The following TTC28 variants were observed in gnomAD, a reference collection of about 807,000 sequenced individuals.
The protein encoded by TTC28 is tetratricopeptide repeat protein 28.
A neutral mutation model predicts 198.0 loss-of-function variants in TTC28; 61 were observed. The ratio of observed to expected loss-of-function variants is 0.31; its 90% CI spans 0.25 to 0.38. TTC28 has a LOEUF of 0.38. TTC28 is among the 10% of genes least tolerant of loss of function. The pLI is 1.00. For synonymous variants in TTC28, 1,171 were observed against 1,297.8 expected, an observed-to-expected ratio of 0.90 and a Z score of 2.10; for missense variants, 2,678 against 3,164.0, an observed-to-expected ratio of 0.85 and a Z score of 3.69.
intron 2 of TTC28, among the ~76,000 whole-genome samples, chr22:28,355,322 G>C (rs1378328930): frequency 1.3e-5 from 2 of 152,064 alleles, no homozygotes; most frequent in African/African-American, 4.8e-5. Context: ...AGTTATCACG[G>C]AAAGCTTTAT....
chr22:28,498,894 T>C (rs1488009094), intron 2 of TTC28, among the ~76,000 whole-genome samples: 2 of 152,208 alleles, frequency 1.3e-5, no homozygotes, highest in African/African-American at 4.8e-5. Flanking sequence ...TAAATTTATT[T>C]ACTGAGTGCA....
rs116238286 is a variant in TTC28, at chr22:28,033,404, C to G, written c.3933-3038G>C. ...TCTGAGTGACTTTCTAGAGATGGCA[C>G]ATCTGGTCACCATAGGCCCTGATTC... On this transcript the variant is annotated intron_variant, in intron 12 of 22. Transcript: ENST00000397906. Among the ~76,000 whole-genome samples, 226 of 152,336 alleles carry G rather than the reference C, an allele frequency of 1.5e-3. 1 individual carries two copies. The highest frequency in any genetic ancestry group is 5.2e-3 in the African/African-American group (217 of 41,576).
chr22:28,110,258 T>C (rs1942446536), intron 6 of TTC28, among the ~76,000 whole-genome samples: 1 of 152,232 alleles, frequency 6.6e-6, no homozygotes, highest in Non-Finnish European at 1.5e-5. Flanking sequence ...CATCTACTCC[T>C]GGGACCCAGC....
chr22:28,400,844 G>A (rs1392153555), intron 2 of TTC28, among the ~76,000 whole-genome samples: 1 of 152,072 alleles, frequency 6.6e-6, no homozygotes, highest in Non-Finnish European at 1.5e-5. Context: ...TATTATTTTA[G>A]TCTTTTATAT....
Position 28,265,628 on chromosome 22 carries a change from G to T in TTC28, c.933+30570C>A, listed in dbSNP as rs551010640. Among the ~76,000 whole-genome samples, 26 of 152,196 alleles carry T rather than the reference G, an allele frequency of 1.7e-4. 2 individuals are homozygous for T. In the East Asian group the frequency reaches 5.0e-3, roughly 29 times the overall value. ...TATTCAAAAATCATCTCCTATGTCA[G>T]GTTGCTGATGATTGACTATACAAGC... On this transcript the variant is annotated intron_variant, in intron 5 of 22. Coordinates refer to ENST00000397906, the MANE Select transcript of TTC28 (RefSeq NM_001145418.2).
intron 12 of TTC28, among the ~76,000 whole-genome samples, chr22:28,041,219 T>C (rs1250287585): frequency 6.6e-6 from 1 of 152,104 alleles, no homozygotes; most frequent in Non-Finnish European, 1.5e-5. Flanking sequence ...CTTCACAGAA[T>C]TGGAAAAAAC....
Position 28,188,638 on chromosome 22 carries a change from TG to T in TTC28, c.934-25040del, listed in dbSNP as rs749781098. On this transcript the variant is annotated intron_variant, in intron 5 of 22. Coordinates refer to ENST00000397906, the MANE Select transcript of TTC28 (RefSeq NM_001145418.2). ...AAATGTTACACTAAAAACAGGGCCG[TG>T]GGGGGTCAGTGAAAGTCTGCATCCT... Among the ~76,000 whole-genome samples the T allele has an allele frequency of 2.6e-5, 4 of 152,230 alleles. No homozygotes were observed. In the East Asian group the frequency reaches 5.8e-4, roughly 22 times the overall value.
At chr22:28,072,291 C>T (rs1941018595) in intron 12 of TTC28, among the ~76,000 whole-genome samples, 1 of 152,152 alleles carries the variant, frequency 6.6e-6, no homozygotes, top group Admixed American at 6.5e-5. Context: ...AGTTTGTTCT[C>T]TCACACCCTT....
rs558842250 is a variant in TTC28, at chr22:28,465,422, G to A, written c.382-158779C>T. Among the ~76,000 whole-genome samples the A allele has an allele frequency of 5.9e-5, 9 of 152,080 alleles. No individual in the cohort carries two copies. The South Asian group carries it at 8.3e-4, about 14-fold the overall frequency. ...AGGCGGATCACAAGGTTAGGAGTTC[G>A]AAACCAGCCTGACCAACAAGGTGAA... is the stretch of plus-strand genomic sequence containing the variant. On this transcript the variant is annotated intron_variant, in intron 2 of 22. Coordinates refer to ENST00000397906, the MANE Select transcript of TTC28 (RefSeq NM_001145418.2).
chr22:28,143,994 G>C (rs1943402118), intron 6 of TTC28, among the ~76,000 whole-genome samples: 1 of 152,034 alleles, frequency 6.6e-6, no homozygotes, highest in South Asian at 2.1e-4. Context: ...AAAGAGAGTA[G>C]AGAAAAAGAA....
intron 1 of TTC28, among the ~76,000 whole-genome samples, chr22:28,644,893 C>A (rs2051431908): frequency 6.6e-6 from 1 of 151,972 alleles, no homozygotes; most frequent in African/African-American, 2.4e-5. Flanking sequence ...CCCCTGTAAT[C>A]CCAACACTTT....
intron 3 of TTC28, among the ~76,000 whole-genome samples, chr22:28,304,970 TATTA>T (rs1188292469): frequency 1.4e-5 from 2 of 141,058 alleles, no homozygotes; most frequent in East Asian, 2.1e-4. Context: ...TTTGTTTATT[TATTA>T]TTTATTTATT....
chr22:28,109,657 T>C (rs1198971966), intron 6 of TTC28, among the ~76,000 whole-genome samples: 1 of 152,250 alleles, frequency 6.6e-6, no homozygotes, highest in East Asian at 1.9e-4. Context: ...AAATGAGGGA[T>C]AGCATAATGG....
chr22:28,160,966 C>A (rs1462971926), intron 6 of TTC28, among the ~76,000 whole-genome samples: 1 of 152,088 alleles, frequency 6.6e-6, no homozygotes, highest in Non-Finnish European at 1.5e-5. Context: ...GAAAAATTAG[C>A]AGAGCATGCC....
At chr22:28,179,165 G>GT (rs71316832) in intron 5 of TTC28, among the ~76,000 whole-genome samples, 18,571 of 140,856 alleles carry the variant, frequency 0.13, 1,712 homozygotes, top group African/African-American at 0.27. Context: ...TTTTTGTTTT[G>GT]TTTTTTTTTT....
In TTC28 at chr22:28,306,676, C is replaced by T. The variant is rs766620218; in HGVS notation, c.382-33G>A. 3.9e-6 allele frequency: 6 copies of T among 1,548,666 alleles called. No individual in the cohort carries two copies. In the African/African-American group the frequency reaches 5.5e-5, roughly 14 times the overall value. ...TAAAAGATATATAAGATATATAATGCCTGTGCTCCAACAAGGCTGATGGTG... is the reference window on the plus strand; with the variant it reads ...TAAAAGATATATAAGATATATAATGTCTGTGCTCCAACAAGGCTGATGGTG... On this transcript the variant is annotated intron_variant, in intron 2 of 22. Coordinates refer to ENST00000397906, the MANE Select transcript of TTC28 (RefSeq NM_001145418.2).
chr22:28,534,668 G>T (rs1192005503), intron 2 of TTC28, among the ~76,000 whole-genome samples: 1 of 152,164 alleles, frequency 6.6e-6, no homozygotes, highest in Non-Finnish European at 1.5e-5. Context: ...CAACCCAAAT[G>T]TCCATCAATG....
chr22:28,357,525 G>C lies in TTC28; in HGVS notation c.382-50882C>G, dbSNP rs556717896. Among the ~76,000 whole-genome samples, 43 of 151,908 alleles carry C rather than the reference G, an allele frequency of 2.8e-4. No homozygotes were observed. The East Asian group carries it at 8.2e-3, about 29-fold the overall frequency. ...AAGGTCTCACTATGTTGCCCAGGCT[G>C]GTCCTGAATTCCTGAGCTGAAGCGA... On this transcript the variant is annotated intron_variant, in intron 2 of 22. Transcript: ENST00000397906.
intron 12 of TTC28, among the ~76,000 whole-genome samples, chr22:28,075,530 A>T (rs1049357183): frequency 6.6e-6 from 1 of 152,176 alleles, no homozygotes; most frequent in African/African-American, 2.4e-5. Flanking sequence ...ATCCCATCCT[A>T]CTTGAGAAGG....
Sources: gnomAD v4.1 joint callset for allele counts (sites outside exome capture counted in the v4.1 genomes callset) on GRCh38, gnomAD v4.1.1 for gene constraint, MANE v1.5 for transcripts, NCBI Gene and HGNC (gene_info 2026-07-23, HGNC 2026-07-21) for gene names.